The following FN1 variants were observed in gnomAD, a reference collection of about 807,000 sequenced individuals.
FN1 encodes the protein fibronectin 1, also known as fibronectin.
In FN1, 106 loss-of-function variants were observed where a neutral mutation model predicts 297.3. The observed-to-expected ratio is 0.36, with a 90% CI of 0.30 to 0.42. The LOEUF is 0.42. FN1 is among the 10% of genes least tolerant of loss of function. The pLI is 1.00. For synonymous variants in FN1, 1,149 were observed against 1,152.6 expected, an observed-to-expected ratio of 1.00 and a Z score of 0.06; for missense variants, 2,690 against 3,124.9, an observed-to-expected ratio of 0.86 and a Z score of 3.32.
chr2:215,401,813 T>C (rs13015576), intron 20 of FN1, among the ~76,000 whole-genome samples: 40,853 of 151,908 alleles, frequency 0.27, 7,185 homozygotes, highest in East Asian at 0.93. Flanking sequence ...TTTAAAAATA[T>C]TGTGTGAGAA....
chr2:215,382,046 G>C, intron 32 of FN1, 166 bp downstream of exon 32: 1 of 627,540 alleles, frequency 1.6e-6, no homozygotes, highest in Non-Finnish European at 2.9e-6. Flanking sequence ...TCCTCGCTTG[G>C]CACTGAGAAG....
intron 13 of FN1, among the ~76,000 whole-genome samples, chr2:215,412,639 T>A (rs565675662): frequency 6.6e-6 from 1 of 152,270 alleles, no homozygotes; most frequent in South Asian, 2.1e-4. Flanking sequence ...GTTGAGGATT[T>A]AGCTCAATAA....
rs2067361600 is a variant in FN1, at chr2:215,435,689, C to T, written c.114G>A (p.Gln38=). ...GACTGACAGCCACCGGGGACTGGGG[C>T]TGAACCATTTGCTGAGCCTGCCTCT... is the stretch of plus-strand genomic sequence containing the variant. ...KSKRQAQQMV[Q]PQSPVAVSQS... Residue 38 remains glutamine, a synonymous_variant, in exon 1 of 46, where the codon CAG becomes CAA. Coordinates refer to ENST00000354785, the MANE Select transcript of FN1 (RefSeq NM_212482.4). 1 of 1,613,292 alleles carries T rather than the reference C, an allele frequency of 6.2e-7. No individual in the cohort carries two copies. The highest frequency in any genetic ancestry group is 1.3e-5 in the African/African-American group (1 of 74,936).
Position 215,414,069 on chromosome 2 carries a change from C to G in FN1, c.1941+768G>C, listed in dbSNP as rs114294598. On this transcript the variant is annotated intron_variant, in intron 13 of 45. Coordinates refer to ENST00000354785, the MANE Select transcript of FN1 (RefSeq NM_212482.4). ...TTGGTCAAATTTTGTTTGTTTGTTT[C>G]TTTGTAATTGTAGAATTCAATAGCT... Among the ~76,000 whole-genome samples, 669 of 152,190 alleles carry G rather than the reference C, an allele frequency of 4.4e-3. 6 individuals carry two copies. The highest frequency in any genetic ancestry group is 0.015 in the African/African-American group (622 of 41,526).
chr2:215,392,638 T>C, intron 25 of FN1: 1 of 424,060 alleles, frequency 2.4e-6, no homozygotes, highest in Non-Finnish European at 4.4e-6. Flanking sequence ...AAATTCTAGG[T>C]CTTCAAATTG....
At chr2:215,403,660 T>C (rs968424345) in intron 20 of FN1, among the ~76,000 whole-genome samples, 3 of 152,202 alleles carry the variant, frequency 2.0e-5, no homozygotes, top group Non-Finnish European at 4.4e-5. Context: ...GTTATTGTGA[T>C]GTAGATATGT....
At chr2:215,389,087 G>C (rs1047518108) in intron 26 of FN1, among the ~76,000 whole-genome samples, 2 of 151,888 alleles carry the variant, frequency 1.3e-5, no homozygotes, top group African/African-American at 4.8e-5. Context: ...TGAGTATCTT[G>C]TTCCATTTTT....
chr2:215,432,058 A>T (rs1052949224), intron 3 of FN1, 94 bp from the exon 4 acceptor site: 35 of 1,460,386 alleles, frequency 2.4e-5, no homozygotes, highest in Middle Eastern at 1.7e-4. Context: ...TAGGTTGGCT[A>T]AAGTAGAGAC....
chr2:215,381,104 A>G (rs1168521798), intron 32 of FN1, 24 bp from the exon 33 acceptor site: 11 of 1,612,910 alleles, frequency 6.8e-6, no homozygotes, highest in Non-Finnish European at 8.5e-6. Context: ...TAATGGTAAG[A>G]GGTTATGTGA....
rs1341267165 is a variant in FN1 at position 215,409,970 on chromosome 2, C to A, written c.2086G>T (p.Asp696Tyr). The change falls in exon 14 of 46, where the codon GAC (aspartate) becomes TAC (tyrosine). Residue 696 changes from aspartate to tyrosine, a missense_variant. Transcript: ENST00000354785. ...GTGCTGGTGCTGGTGGTGGTGAAGTCAAAGCGAGTCACTTCTTGGTGGCCG... is the reference window on the plus strand; with the variant it reads ...GTGCTGGTGCTGGTGGTGGTGAAGTAAAAGCGAGTCACTTCTTGGTGGCCG... ...QYGHQEVTRF[D>Y]FTTTSTSTPV... is the part of the protein sequence containing the mutation. 1.2e-6 allele frequency: 2 copies of A among 1,613,586 alleles called. No individual in the cohort carries two copies. Among genetic ancestry groups the A allele is most frequent in the Non-Finnish European group, 1.7e-6 (2 of 1,179,958 alleles).
intron 35 of FN1, among the ~76,000 whole-genome samples, chr2:215,377,056 G>A (rs12464459): frequency 8.7e-4 from 100 of 114,940 alleles, no homozygotes; most frequent in African/African-American, 3.0e-3. Flanking sequence ...GTGTGTGTGT[G>A]TATGTGTGTG....
At chr2:215,394,223 G>A (rs149853867) in intron 24 of FN1, among the ~76,000 whole-genome samples, 1 of 152,172 alleles carries the variant, frequency 6.6e-6, no homozygotes, top group Non-Finnish European at 1.5e-5. Flanking sequence ...GTACAGACAC[G>A]TGACAGTGTT....
chr2:215,419,884 G>A (rs2063975720), intron 11 of FN1, among the ~76,000 whole-genome samples: 1 of 152,124 alleles, frequency 6.6e-6, no homozygotes, highest in Non-Finnish European at 1.5e-5. Flanking sequence ...TCTCAGTTCT[G>A]GTAATCTCAC....
intron 23 of FN1, among the ~76,000 whole-genome samples, chr2:215,394,983 A>G (rs887721189): frequency 2.0e-5 from 3 of 152,034 alleles, no homozygotes; most frequent in African/African-American, 7.3e-5. Flanking sequence ...GGCTCACTTC[A>G]ACCTCCGCCA....
intron 40 of FN1, among the ~76,000 whole-genome samples, chr2:215,371,065 C>T (rs553062454): frequency 8.5e-5 from 13 of 152,178 alleles, no homozygotes; most frequent in South Asian, 2.1e-4. Flanking sequence ...GTCAGGAGAT[C>T]GAGACCATCC....
At position 215,391,686 on chromosome 2, in the gene FN1, C is replaced by T. The variant is rs748250713; in HGVS notation, c.4198G>A (p.Glu1400Lys). 5.6e-6 allele frequency: 9 copies of T among 1,614,008 alleles called. No individual in the cohort carries two copies. Among genetic ancestry groups the T allele is most frequent in the South Asian group, 5.5e-5 (5 of 91,090 alleles). Residue 1400 changes from glutamate (E) to lysine (K), a missense_variant, in exon 26 of 46, where the codon GAA becomes AAA. By Grantham distance (56) the Glu-to-Lys change is moderately conservative. This residue lies in a region of FN1 where 1,743 missense variants were observed against 1,945.2 expected (regional missense o/e 0.90). Transcript: ENST00000354785. ...LVRYSPVKNE[E>K]DVAELSISPS... ...GAAATTGACAACTCTGCAACATCTTCCTCATTTTTCACAGGTGAGTAACGC... is the reference window on the plus strand; with the variant it reads ...GAAATTGACAACTCTGCAACATCTTTCTCATTTTTCACAGGTGAGTAACGC...
intron 41 of FN1, among the ~76,000 whole-genome samples, chr2:215,369,935 A>AT (rs1020405838): frequency 3.3e-5 from 5 of 152,166 alleles, no homozygotes; most frequent in African/African-American, 1.2e-4. Flanking sequence ...GCATGGTGAG[A>AT]TGGAGAGGGT....
intron 20 of FN1, among the ~76,000 whole-genome samples, chr2:215,401,718 T>C (rs1207579900): frequency 6.6e-6 from 1 of 152,176 alleles, no homozygotes; most frequent in Non-Finnish European, 1.5e-5. Flanking sequence ...TTTTTTTCTT[T>C]GCCATGTGGG....
At chr2:215,401,255 A>AAGGAAGGAAGG (rs1559476059) in intron 20 of FN1, among the ~76,000 whole-genome samples, 6 of 58,364 alleles carry the variant, frequency 1.0e-4, no homozygotes, top group African/African-American at 3.8e-4. Flanking sequence ...AGAAAGGAAG[A>AAGGAAGGAAGG]AAGAAAGGAA....
Sources: allele counts gnomAD v4.1 joint callset (sites outside exome capture counted in the v4.1 genomes callset), GRCh38; gene constraint gnomAD v4.1.1; regional missense constraint gnomAD v4.1.1; transcripts MANE v1.5; gene names NCBI Gene and HGNC (gene_info 2026-07-23, HGNC 2026-07-21).